SGK1: variants seen among roughly 807,000 people sequenced by gnomAD.
SGK1 encodes serum/glucocorticoid regulated kinase 1, also known as serine/threonine-protein kinase Sgk1.
A neutral mutation model predicts 64.2 loss-of-function variants in SGK1; 26 were observed. The observed-to-expected ratio is 0.40, with a 90% CI of 0.30 to 0.56. SGK1 has a LOEUF of 0.56. Ranked by LOEUF, SGK1 falls within the 20% of genes least tolerant of loss-of-function variation. SGK1 has a pLI of 0.38. For synonymous variants in SGK1, 265 were observed against 239.7 expected, an observed-to-expected ratio of 1.11 and a Z score of -0.98; for missense variants, 519 against 645.6, an observed-to-expected ratio of 0.80 and a Z score of 2.12.
intron 2 of SGK1, among the ~76,000 whole-genome samples, chr6:134,225,736 C>T (rs963021639): frequency 2.6e-5 from 4 of 151,842 alleles, no homozygotes; most frequent in Non-Finnish European, 5.9e-5. Context: ...AAATCTTATC[C>T]AGTCTTTTAT....
Sources: gnomAD v4.1 joint callset for allele counts (sites outside exome capture counted in the v4.1 genomes callset) on GRCh38, gnomAD v4.1.1 for gene constraint, MANE v1.5 for transcripts, NCBI Gene and HGNC (gene_info 2026-07-23, HGNC 2026-07-21) for gene names.